Variants in KIRREL1 observed in about 807,000 individuals in gnomAD.
KIRREL1 encodes kirre like nephrin family adhesion molecule 1.
Under a neutral mutation model 83.3 loss-of-function variants are expected in KIRREL1, and 25 were observed. The observed-to-expected ratio is 0.30, with a 90% CI of 0.22 to 0.42. KIRREL1 has a LOEUF of 0.42. Ranked by LOEUF, KIRREL1 falls within the 10% of genes least tolerant of loss-of-function variation. The probability of loss-of-function intolerance (pLI) is 1.00; values close to 1 mark genes in which losing one functional copy is unlikely to be tolerated. For synonymous variants in KIRREL1, 388 were observed against 410.4 expected, an observed-to-expected ratio of 0.95 and a Z score of 0.66; for missense variants, 812 against 1,032.3, an observed-to-expected ratio of 0.79 and a Z score of 2.92.
chr1:158,068,394 T>A (rs1661413568), intron 1 of KIRREL1, among the ~76,000 whole-genome samples: 1 of 151,858 alleles, frequency 6.6e-6, no homozygotes, highest in Admixed American at 6.6e-5. Flanking sequence ...AAGGAGGGGG[T>A]TAAGGGTCTC....
chr1:158,032,943 G>A (rs1183057905), intron 1 of KIRREL1, among the ~76,000 whole-genome samples: 1 of 152,108 alleles, frequency 6.6e-6, no homozygotes, highest in Non-Finnish European at 1.5e-5. Flanking sequence ...GCTAATTTTT[G>A]TATTTTTAGT....
In KIRREL1 at chr1:158,094,700, G is replaced by T; in HGVS notation, c.1854G>T (p.Arg618Ser). ...VRAHEDRPSS[R>S]AVLYADYRAP... is the part of the protein sequence containing the mutation. Reference sequence around the variant, plus strand: ...CCCATGAAGACCGCCCGTCTTCCAGGGCAGTGCTCTATGCTGACTACCGTG... The same window carrying T: ...CCCATGAAGACCGCCCGTCTTCCAGTGCAGTGCTCTATGCTGACTACCGTG... Residue 618 changes from arginine to serine, a missense_variant, in exon 15 of 15, where the codon AGG becomes AGT. By Grantham distance (110) the Arg-to-Ser change is moderately radical. Coordinates refer to ENST00000359209, the MANE Select transcript of KIRREL1 (RefSeq NM_018240.7). The surrounding 1 kb of genome is among the most constrained non-coding windows in gnomAD (Gnocchi z 4.6). The T allele has an allele frequency of 1.2e-6, 2 of 1,611,946 alleles. No homozygotes were observed. Among genetic ancestry groups the T allele is most frequent in the Non-Finnish European group, 8.5e-7 (1 of 1,179,910 alleles).
At chr1:158,046,468 G>A (rs571669074) in intron 1 of KIRREL1, among the ~76,000 whole-genome samples, 89 of 152,288 alleles carry the variant, frequency 5.8e-4, no homozygotes, top group African/African-American at 2.1e-3. Context: ...CGATGCCACT[G>A]CAGCTGGAGG....
chr1:158,091,543 G>C lies in KIRREL1; in HGVS notation c.1458G>C (p.Gln486His). Residue 486 changes from glutamine to histidine, a missense_variant, in exon 11 of 15, where the codon CAG becomes CAC. Transcript: ENST00000359209. ...TCGGGCCAGGCACAGCCATCATCCA[G>C]CTGGAAGAGCGAGGTGACTGGTAGT... ...NSFGPGTAII[Q>H]LEEREVLPVG... 1 of 1,614,202 alleles carries C rather than the reference G, an allele frequency of 6.2e-7. No individual in the cohort carries two copies. The highest frequency in any genetic ancestry group is 1.1e-5 in the South Asian group (1 of 91,092).
intron 5 of KIRREL1, among the ~76,000 whole-genome samples, chr1:158,087,005 C>T (rs60115669): frequency 0.012 from 1,828 of 152,218 alleles, 30 homozygotes; most frequent in African/African-American, 0.041. Flanking sequence ...CTCTGGGCCT[C>T]GGTTTCCAGT....
At chr1:158,002,967 C>T (rs999150925) in intron 1 of KIRREL1, among the ~76,000 whole-genome samples, 3 of 152,180 alleles carry the variant, frequency 2.0e-5, no homozygotes, top group East Asian at 1.9e-4. Flanking sequence ...TCCCCCAAAT[C>T]GAATCTCCCA....
rs1372759179 is a variant in KIRREL1 at position 158,095,049 on chromosome 1, C to A, written c.2203C>A (p.Arg735=). ...DPIGKYATAT[R]FSYTSQHSDY... ...CATTGGCAAGTACGCCACAGCCACT[C>A]GATTCTCCTACACCTCCCAGCACTC... The change falls in exon 15 of 15, where the codon CGA becomes AGA. Residue 735 remains arginine, a synonymous_variant. Transcript: ENST00000359209. 6.2e-7 allele frequency: 1 copy of A among 1,613,662 alleles called. No individual in the cohort carries two copies. The highest frequency in any genetic ancestry group is 1.3e-5 in the African/African-American group (1 of 75,050).
chr1:158,063,330 A>C (rs543979955), intron 1 of KIRREL1, among the ~76,000 whole-genome samples: 1 of 152,356 alleles, frequency 6.6e-6, no homozygotes, highest in East Asian at 1.9e-4. Context: ...ACATCAATTA[A>C]GATATTCATT....
intron 1 of KIRREL1, among the ~76,000 whole-genome samples, chr1:158,060,116 G>A (rs796319719): frequency 7.2e-5 from 11 of 152,270 alleles, no homozygotes; most frequent in African/African-American, 2.2e-4. Context: ...ACTGGAATCC[G>A]TTTAATGACA....
At chr1:158,042,804 T>A (rs1660665811) in intron 1 of KIRREL1, among the ~76,000 whole-genome samples, 1 of 150,062 alleles carries the variant, frequency 6.7e-6, no homozygotes, top group Non-Finnish European at 1.5e-5. Flanking sequence ...CTGGGCACGG[T>A]GGCTCACTCC....
chr1:158,097,689 T>C lies in KIRREL1; in HGVS notation c.*2569T>C, dbSNP rs1042897921. The C allele has an allele frequency of 1.3e-5, 2 of 152,480 alleles. No individual in the cohort carries two copies. Among genetic ancestry groups the C allele is most frequent in the African/African-American group, 4.8e-5 (2 of 41,442 alleles). 9.4% of individuals were successfully genotyped at this position (152,480 alleles called of 1,614,324 possible). A position where few individuals can be genotyped will look rare whatever the true frequency, so the allele number is the denominator to read the frequency against. On this transcript the variant is annotated 3_prime_UTR_variant, in exon 15 of 15. Coordinates refer to ENST00000359209, the MANE Select transcript of KIRREL1 (RefSeq NM_018240.7). ...TACCTGATGGGCCCAGTGGAATAGCTTTTCTGGGGAGTGGAAGGCGTCCTT... is the reference window on the plus strand; with the variant it reads ...TACCTGATGGGCCCAGTGGAATAGCCTTTCTGGGGAGTGGAAGGCGTCCTT...
At position 158,091,435 on chromosome 1, in the gene KIRREL1, TG is replaced by T. The variant is rs1333131659; in HGVS notation, c.1354del (p.Val452CysfsTer47). 6.2e-7 allele frequency: 1 copy of T among 1,613,890 alleles called. No individual in the cohort carries two copies. Among genetic ancestry groups the T allele is most frequent in the Non-Finnish European group, 8.5e-7 (1 of 1,179,946 alleles). ...YTVERTNSGS[G>X]VLSTLTINNV... ...CAGTGGAGAGGACCAACTCAGGCAG[TG>T]GGGTGCTATCCACGCTCACCATCAA... On this transcript the variant is annotated frameshift_variant, in exon 11 of 15. Coordinates refer to ENST00000359209, the MANE Select transcript of KIRREL1 (RefSeq NM_018240.7). LOFTEE classifies it high-confidence loss of function.
At position 158,095,217 on chromosome 1, in the gene KIRREL1, C is replaced by T. The variant is rs564468561; in HGVS notation, c.*97C>T. 4.7e-5 allele frequency: 42 copies of T among 899,496 alleles called. No homozygotes were observed. The highest frequency in any genetic ancestry group is 3.8e-4 in the African/African-American group (23 of 60,110). 55.7% of individuals were successfully genotyped at this position (899,496 alleles called of 1,614,324 possible). A position where few individuals can be genotyped will look rare whatever the true frequency, so the allele number is the denominator to read the frequency against. ...GGGGCATTGCTCATTGCTCCCTTCT[C>T]GGACCAGCCTTCTTCCTCCCACCAT... is the stretch of plus-strand genomic sequence containing the variant. On this transcript the variant is annotated 3_prime_UTR_variant, in exon 15 of 15. Transcript: ENST00000359209.
At chr1:158,026,554 T>G (rs186152162) in intron 1 of KIRREL1, among the ~76,000 whole-genome samples, 41 of 152,322 alleles carry the variant, frequency 2.7e-4, no homozygotes, top group Admixed American at 9.8e-4. Context: ...CCCAGCTATA[T>G]CACTTACTAG....
At chr1:158,066,734 A>T (rs2101612585) in intron 1 of KIRREL1, among the ~76,000 whole-genome samples, 1 of 152,236 alleles carries the variant, frequency 6.6e-6, no homozygotes, top group Non-Finnish European at 1.5e-5. Flanking sequence ...CATCTCTTGC[A>T]GCCTTCTCTG....
chr1:158,001,072 G>A (rs1659348031), intron 1 of KIRREL1, among the ~76,000 whole-genome samples: 1 of 152,194 alleles, frequency 6.6e-6, no homozygotes, highest in Non-Finnish European at 1.5e-5. Flanking sequence ...CCAGGAAGCT[G>A]TCCCATCCTA....
intron 1 of KIRREL1, among the ~76,000 whole-genome samples, chr1:158,056,816 G>C (rs1035042307): frequency 6.6e-6 from 1 of 152,160 alleles, no homozygotes; most frequent in Non-Finnish European, 1.5e-5. Flanking sequence ...TTGGAGCTAT[G>C]GGGCTCACTC....
chr1:158,045,980 A>G (rs181799636), intron 1 of KIRREL1, among the ~76,000 whole-genome samples: 1 of 152,380 alleles, frequency 6.6e-6, no homozygotes, highest in East Asian at 1.9e-4. Context: ...AAGGAATCAC[A>G]GGACTTAGGC....
chr1:158,061,655 A>T (rs1661218707), intron 1 of KIRREL1, among the ~76,000 whole-genome samples: 1 of 152,112 alleles, frequency 6.6e-6, no homozygotes, highest in Non-Finnish European at 1.5e-5. Flanking sequence ...GCTGAGATGT[A>T]CTGACACAGG....
Sources: allele counts gnomAD v4.1 joint callset (sites outside exome capture counted in the v4.1 genomes callset), GRCh38; gene constraint gnomAD v4.1.1; non-coding constraint Gnocchi (gnomAD v3.1); transcripts MANE v1.5; gene names NCBI Gene and HGNC (gene_info 2026-07-23, HGNC 2026-07-21).